OLFM2: variants seen among roughly 807,000 people sequenced by gnomAD.
OLFM2 encodes the protein noelin-2.
In OLFM2, 20 loss-of-function variants were observed where a neutral mutation model predicts 43.9. The observed-to-expected ratio is 0.46, with a 90% CI of 0.32 to 0.66. The LOEUF (loss-of-function observed/expected upper bound fraction) is 0.66, where lower values mean the gene tolerates loss of function less well. Ranked by LOEUF, OLFM2 falls within the 30% of genes least tolerant of loss-of-function variation. The pLI, the probability that OLFM2 is intolerant of heterozygous loss-of-function variation, is 0.04. For missense variants in OLFM2, 416 were observed against 643.6 expected, an observed-to-expected ratio of 0.65 and a Z score of 3.83; for synonymous variants, 268 against 278.6, an observed-to-expected ratio of 0.96 and a Z score of 0.38.
chr19:9,860,546 G>C, intron 2 of OLFM2, 99 bp downstream of exon 2: 1 of 1,318,930 alleles, frequency 7.6e-7, no homozygotes, highest in Non-Finnish European at 1.1e-6. Context: ...AATTTGCATA[G>C]CTGGATATGG....
intron 1 of OLFM2, among the ~76,000 whole-genome samples, chr19:9,905,328 G>A (rs1447705123): frequency 6.6e-6 from 1 of 151,936 alleles, no homozygotes. Context: ...GTAGTGGTGG[G>A]CGCCTGTGGT....
chr19:9,907,154 C>T (rs1185559130), intron 1 of OLFM2, among the ~76,000 whole-genome samples: 1 of 152,126 alleles, frequency 6.6e-6, no homozygotes, highest in Non-Finnish European at 1.5e-5. Flanking sequence ...TCTTTGGGGC[C>T]CTCAAGAGAG....
chr19:9,882,110 G>A (rs544366409), intron 1 of OLFM2, among the ~76,000 whole-genome samples: 6 of 151,630 alleles, frequency 4.0e-5, no homozygotes, highest in East Asian at 1.9e-4. Flanking sequence ...GTGGTGGCTC[G>A]CACCACTAAT....
At chr19:9,880,446 T>G (rs1031240901) in intron 1 of OLFM2, among the ~76,000 whole-genome samples, 1 of 151,534 alleles carries the variant, frequency 6.6e-6, no homozygotes, top group African/African-American at 2.4e-5. Flanking sequence ...TAATGAGGAG[T>G]TGGGGCCAGG....
At chr19:9,863,598 T>C (rs768257515) in intron 1 of OLFM2, among the ~76,000 whole-genome samples, 3 of 151,976 alleles carry the variant, frequency 2.0e-5, no homozygotes, top group African/African-American at 2.4e-5. Flanking sequence ...ACCACAATCA[T>C]TGATCATTTG....
chr19:9,872,461 G>A (rs1312906953), intron 1 of OLFM2, among the ~76,000 whole-genome samples: 2 of 151,930 alleles, frequency 1.3e-5, no homozygotes, highest in Non-Finnish European at 2.9e-5. Context: ...GTTGCAGTGA[G>A]CCGAGATCAC....
chr19:9,876,709 GCTA>G (rs537244392), intron 1 of OLFM2, among the ~76,000 whole-genome samples: 53 of 152,248 alleles, frequency 3.5e-4, no homozygotes, highest in African/African-American at 1.2e-3. Flanking sequence ...GTGACCTTGG[GCTA>G]CTGACTTAAC....
In OLFM2 at chr19:9,854,528, G is replaced by T. The variant is rs752600656; in HGVS notation, c.1023C>A (p.Asn341Lys). The change falls in exon 6 of 6, where the codon AAC (asparagine) becomes AAA (lysine). Residue 341 changes from asparagine (N) to lysine (K), a missense_variant. Transcript: ENST00000264833. The surrounding 1 kb of genome is among the most constrained non-coding windows in gnomAD (Gnocchi z 9.5). ...GLWAVYTTNQ[N>K]AGNIVVSRLD... Reference sequence around the variant, plus strand: ...GCCGGCTGACCACGATGTTGCCCGCGTTCTGGTTGGTGGTGTACACAGCCC... The same window carrying T: ...GCCGGCTGACCACGATGTTGCCCGCTTTCTGGTTGGTGGTGTACACAGCCC... The T allele has an allele frequency of 6.2e-6, 10 of 1,613,680 alleles. No homozygotes were observed. The South Asian group carries it at 1.1e-4, about 18-fold the overall frequency.
At chr19:9,872,940 T>C (rs1372583303) in intron 1 of OLFM2, among the ~76,000 whole-genome samples, 1 of 152,228 alleles carries the variant, frequency 6.6e-6, no homozygotes, top group East Asian at 1.9e-4. Flanking sequence ...CATATTTTAC[T>C]TAACACTTGT....
intron 1 of OLFM2, among the ~76,000 whole-genome samples, chr19:9,901,288 C>T (rs2046737168): frequency 6.6e-6 from 1 of 150,860 alleles, no homozygotes; most frequent in South Asian, 2.1e-4. Context: ...AAGCTGGATA[C>T]AGTGGCCTGT....
At chr19:9,931,181 A>G (rs557603393) in intron 1 of OLFM2, among the ~76,000 whole-genome samples, 2 of 152,322 alleles carry the variant, frequency 1.3e-5, no homozygotes, top group Admixed American at 1.3e-4. Context: ...CCAGGAGAAC[A>G]TCGTCTTACC....
At chr19:9,927,154 C>T (rs922957588) in intron 1 of OLFM2, among the ~76,000 whole-genome samples, 1 of 151,834 alleles carries the variant, frequency 6.6e-6, no homozygotes, top group Non-Finnish European at 1.5e-5. Flanking sequence ...TGGTAGCACG[C>T]GCCTGTTAAC....
chr19:9,917,823 C>A (rs1457843450), intron 1 of OLFM2, among the ~76,000 whole-genome samples: 2 of 152,068 alleles, frequency 1.3e-5, no homozygotes, highest in African/African-American at 4.8e-5. Flanking sequence ...CTGGCCACCT[C>A]ATCTACAATC....
At chr19:9,903,687 T>A (rs1036409605) in intron 1 of OLFM2, among the ~76,000 whole-genome samples, 1 of 152,190 alleles carries the variant, frequency 6.6e-6, no homozygotes, top group Admixed American at 6.6e-5. Flanking sequence ...CGAGGGCTAA[T>A]GGAGCCAGCC....
At chr19:9,888,108 T>G (rs918461421) in intron 1 of OLFM2, among the ~76,000 whole-genome samples, 1 of 152,164 alleles carries the variant, frequency 6.6e-6, no homozygotes, top group Non-Finnish European at 1.5e-5. Flanking sequence ...CCAGCCACAC[T>G]GTTCCTGCAA....
At chr19:9,875,514 C>CTTTTT (rs35244050) in intron 1 of OLFM2, among the ~76,000 whole-genome samples, 3 of 142,928 alleles carry the variant, frequency 2.1e-5, no homozygotes, top group African/African-American at 2.6e-5. Context: ...GAATTAGCAG[C>CTTTTT]TTTTTTTTTT....
rs376109829 is a variant in OLFM2, at chr19:9,857,442, G to A, written c.401C>T (p.Ser134Leu). 30 of 1,613,942 alleles carry A rather than the reference G, an allele frequency of 1.9e-5. No homozygotes were observed. The highest frequency in any genetic ancestry group is 4.5e-5 in the East Asian group (2 of 44,884). The change falls in exon 4 of 6, where the codon TCG becomes TTG. Residue 134 changes from serine (S) to leucine (L), a missense_variant. By Grantham distance (145) the Ser-to-Leu change is moderately radical. Coordinates refer to ENST00000264833, the MANE Select transcript of OLFM2 (RefSeq NM_058164.4). The surrounding 1 kb of genome is among the most constrained non-coding windows in gnomAD (Gnocchi z 5.7). ...GTCTGCCTTGTACTGCTCCAGGACC[G>A]AGCTCAGGGGCAACAGTTCCGTCAT... ...DRMTELLPLS[S>L]VLEQYKADTR...
chr19:9,913,482 C>T (rs2046846188), intron 1 of OLFM2: 1 of 1,098,694 alleles, frequency 9.1e-7, no homozygotes, highest in Non-Finnish European at 1.1e-6. Flanking sequence ...CGGCCACTCA[C>T]GATTTTCTCA....
chr19:9,900,399 A>G (rs1296697798), intron 1 of OLFM2, among the ~76,000 whole-genome samples: 1 of 152,172 alleles, frequency 6.6e-6, no homozygotes, highest in Non-Finnish European at 1.5e-5. Flanking sequence ...AGGAGGTGTG[A>G]GAAAAGGCTG....
Sources: gnomAD v4.1 joint callset for allele counts (sites outside exome capture counted in the v4.1 genomes callset) on GRCh38, gnomAD v4.1.1 for gene constraint, Gnocchi (gnomAD v3.1) non-coding constraint, MANE v1.5 for transcripts, NCBI Gene and HGNC (gene_info 2026-07-23, HGNC 2026-07-21) for gene names.